Variants in PICALM observed in about 807,000 individuals in gnomAD.
The protein encoded by PICALM is phosphatidylinositol binding clathrin assembly protein.
A neutral mutation model predicts 80.5 loss-of-function variants in PICALM; 40 were observed. The observed-to-expected ratio is 0.50, with a 90% confidence interval of 0.39 to 0.65. The LOEUF is 0.65. Ranked by LOEUF, PICALM falls within the 30% of genes least tolerant of loss-of-function variation. PICALM has a pLI of 0.00. For missense variants in PICALM, 676 were observed against 778.9 expected, an observed-to-expected ratio of 0.87 and a Z score of 1.57; for synonymous variants, 288 against 260.3, an observed-to-expected ratio of 1.11 and a Z score of -1.02.
chr11:86,005,276 T>C (rs1164163496), intron 8 of PICALM, among the ~76,000 whole-genome samples: 2 of 152,250 alleles, frequency 1.3e-5, no homozygotes, highest in Non-Finnish European at 2.9e-5. Flanking sequence ...TTATCTTTTT[T>C]CTGAAGGGTT....
intron 1 of PICALM, among the ~76,000 whole-genome samples, chr11:86,049,600 T>G (rs2137289584): frequency 6.6e-6 from 1 of 151,888 alleles, no homozygotes; most frequent in African/African-American, 2.4e-5. Flanking sequence ...TCACCCAGGC[T>G]GGAGTGCAGT....
In PICALM at chr11:86,012,351, G is replaced by A. The variant is rs568742832; in HGVS notation, c.588C>T (p.Ala196=). 1 of 1,610,782 alleles carries A rather than the reference G, an allele frequency of 6.2e-7. No individual in the cohort carries two copies. Among genetic ancestry groups the A allele is most frequent in the Admixed American group, 1.7e-5 (1 of 59,848 alleles). The change falls in exon 6 of 20, where the codon GCC becomes GCT. Residue 196 remains alanine, a synonymous_variant. Transcript: ENST00000393346. ...TGGCATCTTTGAACAGGAGCATGAA[G>A]GCAGCATTTATTACCCCATTTGTAA... ...NELTNGVINA[A]FMLLFKDAIR...
intron 4 of PICALM, among the ~76,000 whole-genome samples, chr11:86,021,854 G>T (rs555970970): frequency 6.6e-6 from 1 of 152,160 alleles, no homozygotes; most frequent in African/African-American, 2.4e-5. Flanking sequence ...GCTAGAAAAA[G>T]GAATAAAATA....
At chr11:86,069,404 G>C (rs968776308), upstream of PICALM, 2 of 154,056 alleles carry the variant, frequency 1.3e-5, no homozygotes, top group African/African-American at 2.4e-5. Flanking sequence ...TGGCGAGGGC[G>C]GTGTGCTGGC....
upstream of PICALM, chr11:86,069,184 C>G: frequency 5.1e-6 from 1 of 197,488 alleles, no homozygotes; most frequent in Non-Finnish European, 1.1e-5. Context: ...CTTCCCTTTC[C>G]TCTTCGACGC....
chr11:86,011,783 ATTTG>A (rs1406711952), intron 6 of PICALM, among the ~76,000 whole-genome samples: 2 of 151,296 alleles, frequency 1.3e-5, no homozygotes, highest in African/African-American at 4.9e-5. Context: ...GGGACAAAAT[ATTTG>A]TTTTTTTCCC....
At chr11:85,965,802 A>ATTTTTTTTTTTTTT (rs1202220050) in intron 19 of PICALM, among the ~76,000 whole-genome samples, 1 of 105,756 alleles carries the variant, frequency 9.5e-6, no homozygotes, top group African/African-American at 3.6e-5. Context: ...TGCATTACCC[A>ATTTTTTTTTTTTTT]TTTTGTTTTT....
At chr11:86,050,229 T>C (rs1050933437) in intron 1 of PICALM, among the ~76,000 whole-genome samples, 18 of 133,026 alleles carry the variant, frequency 1.4e-4, no homozygotes, top group African/African-American at 5.4e-4. Flanking sequence ...AAAAAAACTA[T>C]ATCAGTAAGT....
Position 86,009,671 on chromosome 11 carries a change from G to C in PICALM, c.765+1359C>G, listed in dbSNP as rs550227798. Among the ~76,000 whole-genome samples, 3 of 152,210 alleles carry C rather than the reference G, an allele frequency of 2.0e-5. No homozygotes were observed. In the East Asian group the frequency reaches 5.8e-4, roughly 29 times the overall value. Reference sequence around the variant, plus strand: ...TGCGCCATTGCACTCCAGCCTAGGGGACAAGAGCAAGACTTCATCTCAAAA... The same window carrying C: ...TGCGCCATTGCACTCCAGCCTAGGGCACAAGAGCAAGACTTCATCTCAAAA... On this transcript the variant is annotated intron_variant, in intron 7 of 19. Coordinates refer to ENST00000393346, the MANE Select transcript of PICALM (RefSeq NM_007166.4).
intron 12 of PICALM, among the ~76,000 whole-genome samples, chr11:85,995,852 CTT>C (rs980748100): frequency 6.6e-6 from 1 of 152,060 alleles, no homozygotes; most frequent in African/African-American, 2.4e-5. Flanking sequence ...AAATACTTAA[CTT>C]TAAACTATTA....
chr11:86,024,604 C>G (rs2095620840), intron 3 of PICALM, among the ~76,000 whole-genome samples: 1 of 150,976 alleles, frequency 6.6e-6, no homozygotes. Context: ...CACATAATTC[C>G]CTCTCCCCTC....
chr11:85,972,691 T>C (rs757792386), intron 19 of PICALM, among the ~76,000 whole-genome samples: 9 of 152,210 alleles, frequency 5.9e-5, no homozygotes, highest in African/African-American at 2.2e-4. Flanking sequence ...GCATGGACTA[T>C]AGCTTTAAAA....
In PICALM at chr11:85,967,582, T is replaced by C. The variant is rs138659156; in HGVS notation, c.1944+7126A>G. ...AAACGTCCCTCATGGTATTCTGCAG[T>C]AGGCAAGGATGAATGAGCACAACAC... On this transcript the variant is annotated intron_variant, in intron 19 of 19. Coordinates refer to ENST00000393346, the MANE Select transcript of PICALM (RefSeq NM_007166.4). 6.3e-4 allele frequency among the ~76,000 whole-genome samples: 96 copies of C among 152,326 alleles called. 3 individuals are homozygous for C. The East Asian group carries it at 0.017, about 27-fold the overall frequency.
Position 85,970,602 on chromosome 11 carries a change from G to A in PICALM, c.1944+4106C>T, listed in dbSNP as rs1208910290. Among the ~76,000 whole-genome samples, 3 of 152,200 alleles carry A rather than the reference G, an allele frequency of 2.0e-5. No homozygotes were observed. The East Asian group carries it at 5.8e-4, about 29-fold the overall frequency. ...AGGCCCAGGAGGGAGGATCACTTGAGGCCAGGAGTTTGAGACCAGCCTGGC... is the reference window on the plus strand; with the variant it reads ...AGGCCCAGGAGGGAGGATCACTTGAAGCCAGGAGTTTGAGACCAGCCTGGC... On this transcript the variant is annotated intron_variant, in intron 19 of 19. Coordinates refer to ENST00000393346, the MANE Select transcript of PICALM (RefSeq NM_007166.4).
intron 1 of PICALM, among the ~76,000 whole-genome samples, chr11:86,043,041 C>T (rs1230502541): frequency 6.6e-6 from 1 of 152,146 alleles, no homozygotes; most frequent in Non-Finnish European, 1.5e-5. Flanking sequence ...CTGGTTCACA[C>T]CTGTTGTCCA....
intron 1 of PICALM, among the ~76,000 whole-genome samples, chr11:86,067,509 G>A (rs574738952): frequency 1.1e-4 from 16 of 152,158 alleles, no homozygotes; most frequent in African/African-American, 3.4e-4. Context: ...AAAAAGTTAC[G>A]AGGAGTTAGC....
chr11:85,984,043 TGAC>T, intron 13 of PICALM, 70 bp from the exon 14 acceptor site: 3 of 703,342 alleles, frequency 4.3e-6, no homozygotes, highest in Non-Finnish European at 7.4e-6. Flanking sequence ...TTAATAATGA[TGAC>T]AATAGAATGG....
At chr11:85,985,100 T>C (rs1292558635) in intron 13 of PICALM, among the ~76,000 whole-genome samples, 2 of 152,120 alleles carry the variant, frequency 1.3e-5, no homozygotes, top group Non-Finnish European at 2.9e-5. Flanking sequence ...ACTACACCAT[T>C]AGGGAGAAGT....
At chr11:85,964,954 T>A (rs2093825036) in intron 19 of PICALM, among the ~76,000 whole-genome samples, 1 of 152,228 alleles carries the variant, frequency 6.6e-6, no homozygotes, top group Non-Finnish European at 1.5e-5. Context: ...ATTCCTATTT[T>A]TACATGCTTA....
Sources: allele counts gnomAD v4.1 joint callset (sites outside exome capture counted in the v4.1 genomes callset), GRCh38; gene constraint gnomAD v4.1.1; transcripts MANE v1.5; gene names NCBI Gene and HGNC (gene_info 2026-07-23, HGNC 2026-07-21).